DIAPH2: variants seen among roughly 807,000 people sequenced by gnomAD.
DIAPH2 encodes the protein protein diaphanous homolog 2.
A neutral mutation model predicts 92.7 loss-of-function variants in DIAPH2; 35 were observed. The observed-to-expected ratio is 0.38, with a 90% CI of 0.29 to 0.50. DIAPH2 has a LOEUF of 0.50. Among genes scored for constraint, DIAPH2 ranks in the 20% least tolerant of loss-of-function variants. The pLI is 0.94. For missense variants in DIAPH2, 701 were observed against 819.5 expected, an observed-to-expected ratio of 0.86 and a Z score of 1.77; for synonymous variants, 301 against 280.4, an observed-to-expected ratio of 1.07 and a Z score of -0.73.
chrX:97,401,276 G>T (rs535394288), intron 25 of DIAPH2, among the ~76,000 whole-genome samples: 1 of 110,423 alleles, frequency 9.1e-6, no homozygotes, highest in Admixed American at 9.7e-5. Context: ...CACTAACAGT[G>T]TTCCTCGTGT....
intron 4 of DIAPH2, among the ~76,000 whole-genome samples, chrX:96,852,326 A>T (rs1198186341): frequency 8.9e-6 from 1 of 112,161 alleles, no homozygotes; most frequent in Non-Finnish European, 1.9e-5. Context: ...AAATGTACTA[A>T]AACTATGTTT....
intron 4 of DIAPH2, among the ~76,000 whole-genome samples, chrX:96,857,074 T>G (rs2065045384): frequency 9.2e-6 from 1 of 109,092 alleles, no homozygotes; most frequent in South Asian, 4.0e-4. Context: ...ACTTGAGGAG[T>G]TTTTGATATT....
chrX:97,264,275 T>A (rs911850597), intron 23 of DIAPH2, among the ~76,000 whole-genome samples: 4 of 111,766 alleles, frequency 3.6e-5, no homozygotes, highest in Admixed American at 2.9e-4. Context: ...AAACTTTATT[T>A]CATTTTTTGC....
At chrX:96,733,446 G>T (rs910165371) in intron 1 of DIAPH2, among the ~76,000 whole-genome samples, 6 of 111,258 alleles carry the variant, frequency 5.4e-5, no homozygotes, top group African/African-American at 2.0e-4. Context: ...CCGTGAAGTG[G>T]TCAGTGTGAC....
chrX:97,522,530 A>G (rs1446834835), intron 26 of DIAPH2, among the ~76,000 whole-genome samples: 5 of 112,611 alleles, frequency 4.4e-5, no homozygotes, highest in African/African-American at 1.6e-4. Flanking sequence ...CTTCTGAACT[A>G]TGAGGTTCAT....
intron 3 of DIAPH2, among the ~76,000 whole-genome samples, chrX:96,757,165 C>A (rs1485780112): frequency 9.0e-6 from 1 of 110,758 alleles, no homozygotes; most frequent in Admixed American, 9.6e-5. Flanking sequence ...GATCCACCCG[C>A]CTTGGCCTCC....
At chrX:96,915,792 C>T (rs2065499387) in intron 7 of DIAPH2, among the ~76,000 whole-genome samples, 1 of 111,765 alleles carries the variant, frequency 8.9e-6, no homozygotes, top group Non-Finnish European at 1.9e-5. Context: ...CACGCATGCA[C>T]ACACATATTC....
intron 23 of DIAPH2, among the ~76,000 whole-genome samples, chrX:97,256,058 T>G (rs772463856): frequency 1.8e-5 from 2 of 112,327 alleles, no homozygotes; most frequent in African/African-American, 6.5e-5. Context: ...AAAACGGAAC[T>G]TAATTTGTCT....
At chrX:97,080,231 C>G in intron 19 of DIAPH2, among the ~76,000 whole-genome samples, 1 of 107,558 alleles carries the variant, frequency 9.3e-6, no homozygotes, top group Non-Finnish European at 1.9e-5. Context: ...CATTCCCTTC[C>G]TCCCTCATTC....
At chrX:96,977,589 A>G (rs761860941) in intron 17 of DIAPH2, among the ~76,000 whole-genome samples, 45 of 112,286 alleles carry the variant, frequency 4.0e-4, no homozygotes, top group Non-Finnish European at 8.4e-4. Context: ...ATAAATATAT[A>G]GATTAAGCAC....
intron 5 of DIAPH2, chrX:96,884,230 T>C: frequency 2.3e-6 from 2 of 869,297 alleles, no homozygotes; most frequent in Non-Finnish European, 3.2e-6. Context: ...GCTCGAAGCC[T>C]TCTGTGGAGA....
chrX:96,962,284 T>G (rs866161782), intron 16 of DIAPH2, among the ~76,000 whole-genome samples: 1 of 73,573 alleles, frequency 1.4e-5, no homozygotes, highest in Non-Finnish European at 2.5e-5. Context: ...CATATATATA[T>G]ACATATATAT....
chrX:96,988,006 A>G (rs192622497), intron 17 of DIAPH2, among the ~76,000 whole-genome samples: 186 of 110,731 alleles, frequency 1.7e-3, no homozygotes, highest in African/African-American at 5.8e-3. Context: ...AGAAGTATGT[A>G]GCAAACAGTC....
chrX:97,065,244 G>A (rs1413917615), intron 17 of DIAPH2, among the ~76,000 whole-genome samples: 1 of 111,609 alleles, frequency 9.0e-6, no homozygotes, highest in Non-Finnish European at 1.9e-5. Context: ...ATGTCAGTTC[G>A]TACTTAGAAA....
At chrX:97,135,926 A>G (rs953227609) in intron 21 of DIAPH2, among the ~76,000 whole-genome samples, 4 of 112,119 alleles carry the variant, frequency 3.6e-5, no homozygotes, top group African/African-American at 1.3e-4. Flanking sequence ...CAGGAGGAAC[A>G]TAAGTAAATG....
At chrX:96,885,040 G>A (rs770863451) in intron 5 of DIAPH2, 5 of 1,208,720 alleles carry the variant, frequency 4.1e-6, no homozygotes, top group South Asian at 1.8e-5. Flanking sequence ...TTATCTGACC[G>A]TTGAGGGCCA....
chrX:96,784,981 G>T (rs1458511520), intron 4 of DIAPH2, among the ~76,000 whole-genome samples: 1 of 112,027 alleles, frequency 8.9e-6, no homozygotes, highest in African/African-American at 3.2e-5. Flanking sequence ...CTGAATCGTG[G>T]CAGGCTGTCT....
chrX:97,230,755 C>T (rs2068003277), intron 22 of DIAPH2, among the ~76,000 whole-genome samples: 1 of 111,894 alleles, frequency 8.9e-6, no homozygotes, highest in African/African-American at 3.2e-5. Flanking sequence ...CCATGTTGAT[C>T]AGGCTGGTCT....
At chrX:97,321,541 G>GTTT (rs2068894538) in intron 23 of DIAPH2, among the ~76,000 whole-genome samples, 1 of 79,430 alleles carries the variant, frequency 1.3e-5, no homozygotes, top group Non-Finnish European at 2.4e-5. Context: ...TTGTTGTGTT[G>GTTT]TTATTTTTTT....
Sources: gnomAD v4.1 joint callset for allele counts (sites outside exome capture counted in the v4.1 genomes callset) on GRCh38, gnomAD v4.1.1 for gene constraint, MANE v1.5 for transcripts, NCBI Gene and HGNC (gene_info 2026-07-23, HGNC 2026-07-21) for gene names.